The following PAPPA2 variants were observed in gnomAD, a reference collection of about 807,000 sequenced individuals.
PAPPA2 encodes pappalysin 2.
A neutral mutation model predicts 176.4 loss-of-function variants in PAPPA2; 86 were observed. That is an observed-to-expected ratio of 0.49 (90% CI 0.41 to 0.58). The LOEUF (loss-of-function observed/expected upper bound fraction) is 0.58. Among genes scored for constraint, PAPPA2 ranks in the 20% least tolerant of loss-of-function variants. The probability of loss-of-function intolerance (pLI) is 0.00; values close to 1 mark genes in which losing one functional copy is unlikely to be tolerated. For synonymous variants in PAPPA2, 809 were observed against 852.2 expected, an observed-to-expected ratio of 0.95 and a Z score of 0.88; for missense variants, 2,073 against 2,256.9, an observed-to-expected ratio of 0.92 and a Z score of 1.65.
chr1:176,507,500 T>A (rs1395929367), intron 1 of PAPPA2, among the ~76,000 whole-genome samples: 1 of 152,234 alleles, frequency 6.6e-6, no homozygotes, highest in Non-Finnish European at 1.5e-5. Flanking sequence ...TGTTCATCAC[T>A]GTGTTATTCA....
intron 3 of PAPPA2, among the ~76,000 whole-genome samples, chr1:176,634,966 A>AATAGATAGATAGATAG (rs3979574): frequency 3.7e-5 from 5 of 135,162 alleles, no homozygotes; most frequent in East Asian, 2.3e-4. Context: ...TAGATAGATA[A>AATAGATAGATAGATAG]ATAGATAGAT....
At chr1:176,731,501 G>A (rs1473314706) in intron 12 of PAPPA2, among the ~76,000 whole-genome samples, 3 of 151,672 alleles carry the variant, frequency 2.0e-5, no homozygotes, top group African/African-American at 7.3e-5. Context: ...CAGTAGAGAC[G>A]GGGTTTCACC....
At chr1:176,638,970 GTA>G (rs1553379096) in intron 3 of PAPPA2, among the ~76,000 whole-genome samples, 8 of 147,682 alleles carry the variant, frequency 5.4e-5, no homozygotes, top group Non-Finnish European at 6.0e-5. Context: ...GTGTGTGTGT[GTA>G]TGTGTTTGTA....
chr1:176,788,149 C>T (rs1254670210), intron 17 of PAPPA2, among the ~76,000 whole-genome samples: 1 of 152,122 alleles, frequency 6.6e-6, no homozygotes, highest in Non-Finnish European at 1.5e-5. Flanking sequence ...TTGCAATGTA[C>T]CTGACATGCT....
chr1:176,702,185 C>T (rs1318049119), intron 8 of PAPPA2, among the ~76,000 whole-genome samples: 2 of 152,178 alleles, frequency 1.3e-5, no homozygotes, highest in African/African-American at 4.8e-5. Context: ...GATCGCAGAC[C>T]CAAGAAGGGG....
At chr1:176,502,197 C>CT (rs1648003858) in intron 1 of PAPPA2, among the ~76,000 whole-genome samples, 1 of 152,172 alleles carries the variant, frequency 6.6e-6, no homozygotes, top group Non-Finnish European at 1.5e-5. Flanking sequence ...CTTTCAGAAT[C>CT]TAACAAACAA....
chr1:176,662,051 G>A lies in PAPPA2; in HGVS notation c.1992-8919G>A, dbSNP rs565569285. 3.9e-5 allele frequency among the ~76,000 whole-genome samples: 6 copies of A among 152,228 alleles called. 1 individual carries two copies. The South Asian group carries it at 1.2e-3, about 32-fold the overall frequency. Reference sequence around the variant, plus strand: ...CTTGAAAACAAGAGCCGTGTCTTCTGTATCTTTTCATTGCCAGGGTCTAGC... The same window carrying A: ...CTTGAAAACAAGAGCCGTGTCTTCTATATCTTTTCATTGCCAGGGTCTAGC... On this transcript the variant is annotated intron_variant, in intron 3 of 22. Coordinates refer to ENST00000367662, the MANE Select transcript of PAPPA2 (RefSeq NM_020318.3).
chr1:176,632,538 A>G (rs763421974), intron 3 of PAPPA2, among the ~76,000 whole-genome samples: 2 of 152,152 alleles, frequency 1.3e-5, no homozygotes, highest in Non-Finnish European at 1.5e-5. Context: ...CAAAAAAAAT[A>G]AAAAATAAAA....
chr1:176,789,903 G>T lies in PAPPA2; in HGVS notation c.4810G>T (p.Gly1604Cys). The T allele has an allele frequency of 6.2e-7, 1 of 1,614,164 alleles. No homozygotes were observed. Among genetic ancestry groups the T allele is most frequent in the Non-Finnish European group, 8.5e-7 (1 of 1,180,014 alleles). ...VCEPPPPVFEGMYECTNGFSL... is the reference protein window; with the variant it reads ...VCEPPPPVFECMYECTNGFSL... ...TGAGCCACCCCCTCCTGTGTTTGAA[G>T]GCATGTATGAATGTACCAATGGCTT... The change falls in exon 18 of 23, where the codon GGC (glycine) becomes TGC (cysteine). Residue 1604 changes from glycine (G) to cysteine (C), a missense_variant. Physicochemically the swap from Gly to Cys is radical, Grantham distance 159 (BLOSUM62 -3). Around this residue, in one of 4 missense-constraint regions of PAPPA2, gnomAD observed 846 missense variants for 857.9 expected, o/e 0.99. Transcript: ENST00000367662.
chr1:176,754,707 C>A (rs553127251), intron 14 of PAPPA2, among the ~76,000 whole-genome samples: 4 of 152,308 alleles, frequency 2.6e-5, no homozygotes, highest in African/African-American at 9.6e-5. Flanking sequence ...TCAGAGCTGG[C>A]CCTGTCAGTA....
intron 6 of PAPPA2, among the ~76,000 whole-genome samples, chr1:176,692,533 TC>T (rs1660167503): frequency 6.6e-6 from 1 of 152,010 alleles, no homozygotes; most frequent in Non-Finnish European, 1.5e-5. Context: ...AAGTGCTCAC[TC>T]CCCCCTCAGG....
At chr1:176,773,038 C>G (rs952561102) in intron 17 of PAPPA2, among the ~76,000 whole-genome samples, 1 of 152,022 alleles carries the variant, frequency 6.6e-6, no homozygotes, top group Non-Finnish European at 1.5e-5. Context: ...TGGGAAAAAA[C>G]GAGGCCTCCA....
chr1:176,532,488 G>T (rs925594905), intron 1 of PAPPA2, among the ~76,000 whole-genome samples: 5 of 152,132 alleles, frequency 3.3e-5, no homozygotes, highest in Admixed American at 6.5e-5. Flanking sequence ...AATAACACAC[G>T]CAATTTCATT....
chr1:176,521,240 C>T (rs976568918), intron 1 of PAPPA2, among the ~76,000 whole-genome samples: 1 of 152,158 alleles, frequency 6.6e-6, no homozygotes, highest in Admixed American at 6.5e-5. Flanking sequence ...TCTTGGACTT[C>T]GCCAATATAA....
At position 176,793,679 on chromosome 1, in the gene PAPPA2, G is replaced by A; in HGVS notation, c.5130+10G>A. 6.4e-7 allele frequency: 1 copy of A among 1,574,460 alleles called. No homozygotes were observed. Among genetic ancestry groups the A allele is most frequent in the East Asian group, 2.2e-5 (1 of 44,540 alleles). Reference sequence around the variant, plus strand: ...ACCTGTCAAAGTCCAGGTGAGGAAAGGGACATTGTTATGTGCCAAAGACAT... The same window carrying A: ...ACCTGTCAAAGTCCAGGTGAGGAAAAGGACATTGTTATGTGCCAAAGACAT... On this transcript the variant is annotated intron_variant, in intron 20 of 22. Transcript: ENST00000367662.
intron 3 of PAPPA2, among the ~76,000 whole-genome samples, chr1:176,658,286 G>A (rs889172707): frequency 6.6e-6 from 1 of 151,872 alleles, no homozygotes. Context: ...GGACTAGAGT[G>A]GATGTGATAT....
intron 12 of PAPPA2, among the ~76,000 whole-genome samples, chr1:176,716,277 G>A (rs868744609): frequency 5.3e-5 from 7 of 133,010 alleles, no homozygotes; most frequent in Non-Finnish European, 9.3e-5. Flanking sequence ...TCTTGCTCTC[G>A]CCCTGTCACC....
intron 4 of PAPPA2, among the ~76,000 whole-genome samples, chr1:176,685,633 C>A (rs902972463): frequency 3.9e-5 from 6 of 152,222 alleles, no homozygotes; most frequent in Non-Finnish European, 7.3e-5. Context: ...AGAAAGATTG[C>A]AGCTTTCTCT....
chr1:176,715,239 T>C (rs1661315150), intron 12 of PAPPA2, among the ~76,000 whole-genome samples: 1 of 152,178 alleles, frequency 6.6e-6, no homozygotes. Flanking sequence ...CTAATCTAAC[T>C]CTAGTTGCCA....
Sources: allele counts gnomAD v4.1 joint callset (sites outside exome capture counted in the v4.1 genomes callset), GRCh38; gene constraint gnomAD v4.1.1; regional missense constraint gnomAD v4.1.1; transcripts MANE v1.5; gene names NCBI Gene and HGNC (gene_info 2026-07-23, HGNC 2026-07-21).